The following RMND5B variants were observed in gnomAD, a reference collection of about 807,000 sequenced individuals.
The protein encoded by RMND5B is required for meiotic nuclear division 5 homolog B, also known as E3 ubiquitin-protein transferase RMND5B.
In RMND5B, 42 loss-of-function variants were observed where a neutral mutation model predicts 50.4. The ratio of observed to expected loss-of-function variants is 0.83; its 90% CI spans 0.65 to 1.08. The LOEUF is 1.08. Ranked by LOEUF, RMND5B falls within the 50% of genes least tolerant of loss-of-function variation. The pLI is 0.00. For missense variants in RMND5B, 463 were observed against 508.5 expected (o/e 0.91, Z 0.86); for synonymous variants, 220 against 210.0 (o/e 1.05, Z -0.41).
chr5:178,131,214 C>G (rs1283003835), intron 1 of RMND5B, 23 bp from the exon 2 acceptor site: 1 of 152,174 alleles, frequency 6.6e-6, no homozygotes, highest in Non-Finnish European at 1.5e-5. Flanking sequence ...AACAATCTGC[C>G]CTTGGGCTTG....
intron 7 of RMND5B, 136 bp from the exon 8 acceptor site, chr5:178,145,952 TCAAATTTGCCTGAGGGCATTTTCATC>T: frequency 1.6e-6 from 1 of 634,604 alleles, no homozygotes; most frequent in Non-Finnish European, 2.6e-6. Context: ...GATTTTACAG[TCAAATTTGCCTGAGGGCATTTTCATC>T]CCTGCTCAGT....
intron 8 of RMND5B, 93 bp from the exon 9 acceptor site, chr5:178,147,438 CCT>C (rs1397242926): frequency 2.3e-6 from 2 of 882,920 alleles, no homozygotes; most frequent in African/African-American, 3.4e-5. Context: ...ATTTTAGAGC[CCT>C]GTCTCAAGGT....
At chr5:178,143,028 G>A (rs2113422166) in intron 5 of RMND5B, 36 bp downstream of exon 5, 1 of 1,588,058 alleles carries the variant, frequency 6.3e-7, no homozygotes, top group Non-Finnish European at 8.6e-7. Context: ...CAACCTGCCT[G>A]CTCTGCCTTT....
In RMND5B at chr5:178,148,135, C is replaced by A; in HGVS notation, c.*103C>A. On this transcript the variant is annotated 3_prime_UTR_variant, in exon 11 of 11. Coordinates refer to ENST00000313386, the MANE Select transcript of RMND5B (RefSeq NM_022762.5). ...CAGTGGACTGTGGTTGGTTTCAGAG[C>A]GCCTGGCTGAGGAGTTCCACTGAGG... The A allele has an allele frequency of 8.4e-7, 1 of 1,193,880 alleles. No individual in the cohort carries two copies. The highest frequency in any genetic ancestry group is 1.3e-5 in the South Asian group (1 of 79,232). 74.0% of individuals were successfully genotyped at this position (1,193,880 alleles called of 1,614,324 possible).
chr5:178,134,650 T>C (rs1758517789), intron 2 of RMND5B, among the ~76,000 whole-genome samples: 1 of 152,100 alleles, frequency 6.6e-6, no homozygotes, highest in Admixed American at 6.5e-5. Context: ...AACAGTTCTG[T>C]TTTCTCAGTT....
At chr5:178,144,599 G>A (rs1202958764) in intron 7 of RMND5B, among the ~76,000 whole-genome samples, 1 of 151,928 alleles carries the variant, frequency 6.6e-6, no homozygotes, top group Non-Finnish European at 1.5e-5. Context: ...GCTGGGCGTT[G>A]TGGCGGGCGT....
chr5:178,135,237 C>A, intron 2 of RMND5B: 2 of 235,998 alleles, frequency 8.5e-6, no homozygotes, highest in Non-Finnish European at 1.9e-5. Flanking sequence ...CCTTGACCTC[C>A]CGGGCTCAAG....
chr5:178,144,964 C>T (rs1463725137), intron 7 of RMND5B, among the ~76,000 whole-genome samples: 1 of 152,172 alleles, frequency 6.6e-6, no homozygotes, highest in South Asian at 2.1e-4. Context: ...AAGTAGTAAC[C>T]TGTACTAACT....
At chr5:178,143,572 G>C (rs986520708) in intron 5 of RMND5B, 55 bp from the exon 6 acceptor site, 1 of 1,349,662 alleles carries the variant, frequency 7.4e-7, no homozygotes, top group Non-Finnish European at 1.1e-6. Context: ...GCATAGCAGA[G>C]AACTTTGGAA....
intron 2 of RMND5B, among the ~76,000 whole-genome samples, chr5:178,132,975 C>T (rs1010535149): frequency 6.6e-6 from 1 of 151,824 alleles, no homozygotes. Context: ...AGCAATTCTC[C>T]TGCCTCAGCC....
rs1184444572 is a variant in RMND5B, at chr5:178,148,741, G to C, written c.*709G>C. On this transcript the variant is annotated 3_prime_UTR_variant, in exon 11 of 11. Transcript: ENST00000313386. The stretch of plus-strand genomic sequence containing the variant: ...CTGACTGCGGGGAGCTTAGATGTCA[G>C]ACCCCGGGCAAGGTGCTTTTACATA... 6.5e-6 allele frequency: 1 copy of C among 152,946 alleles called. No homozygotes were observed. The highest frequency in any genetic ancestry group is 1.9e-4 in the East Asian group (1 of 5,200). 9.5% of individuals were successfully genotyped at this position (152,946 alleles called of 1,614,324 possible).
At chr5:178,132,760 A>C (rs1581106162) in intron 2 of RMND5B, among the ~76,000 whole-genome samples, 1 of 117,384 alleles carries the variant, frequency 8.5e-6, no homozygotes, top group African/African-American at 3.3e-5. Flanking sequence ...TTTTTAAGCA[A>C]CCCTATTAAC....
In RMND5B at chr5:178,138,870, A is replaced by G. The variant is rs777267746; in HGVS notation, c.139+612A>G. On this transcript the variant is annotated intron_variant, in intron 3 of 10. Transcript: ENST00000313386. The surrounding 1 kb of genome is among the most constrained non-coding windows in gnomAD (Gnocchi z 5.1). The stretch of plus-strand genomic sequence containing the variant: ...CCTTCAGTGTGTATGTCCTAAAATC[A>G]AGGGCATTCTCTTACATAAAAACAG... Among the ~76,000 whole-genome samples, 9 of 152,204 alleles carry G rather than the reference A, an allele frequency of 5.9e-5. No individual in the cohort carries two copies. The highest frequency in any genetic ancestry group is 1.2e-4 in the Non-Finnish European group (8 of 68,038).
In RMND5B at chr5:178,144,023, C is replaced by T. The variant is rs778269228; in HGVS notation, c.609C>T (p.Arg203=). 2.5e-5 allele frequency: 41 copies of T among 1,614,152 alleles called. 1 individual carries two copies. The highest frequency in any genetic ancestry group is 3.3e-5 in the Non-Finnish European group (39 of 1,180,060). The part of the protein sequence containing the change: ...EFKLHRLHFI[R]LLAGGPAKQL... ...AGCTGCACCGACTGCACTTCATCCG[C>T]CTCTTGGCAGGAGGCCCCGCGAAGC... is the stretch of plus-strand genomic sequence containing the variant. The change falls in exon 7 of 11, where the codon CGC becomes CGT. Residue 203 remains arginine, a synonymous_variant. Transcript: ENST00000313386.
Position 178,150,024 on chromosome 5 carries a change from C to T in RMND5B, c.*1992C>T. ...CTCAATCAGACTTTGAAGGCATGGTCCAGCCACACAGGGCCTACATTCCCA... is the reference window on the plus strand; with the variant it reads ...CTCAATCAGACTTTGAAGGCATGGTTCAGCCACACAGGGCCTACATTCCCA... On this transcript the variant is annotated 3_prime_UTR_variant, in exon 11 of 11. Coordinates refer to ENST00000313386, the MANE Select transcript of RMND5B (RefSeq NM_022762.5). 1.7e-6 allele frequency: 1 copy of T among 583,242 alleles called. No individual in the cohort carries two copies. Among genetic ancestry groups the T allele is most frequent in the Non-Finnish European group, 3.0e-6 (1 of 336,360 alleles). The allele number at this position is 583,242 out of a possible 1,614,324, so 36.1% of individuals were successfully genotyped here.
At chr5:178,144,658 G>C (rs1303854019) in intron 7 of RMND5B, among the ~76,000 whole-genome samples, 1 of 148,950 alleles carries the variant, frequency 6.7e-6, no homozygotes, top group African/African-American at 2.5e-5. Context: ...ATGAACCCGG[G>C]AGGCGGAGCT....
Position 178,138,619 on chromosome 5 carries a change from C to G in RMND5B, c.139+361C>G, listed in dbSNP as rs1031457744. ...GCTCAAGTGATCCTCCTGCCTCAGC[C>G]TCCCAAAGTGCTGGAATTATATGCG... On this transcript the variant is annotated intron_variant, in intron 3 of 10. Coordinates refer to ENST00000313386, the MANE Select transcript of RMND5B (RefSeq NM_022762.5). This position sits in a 1 kb window ranked among gnomAD's most constrained non-coding sequence, Gnocchi z 5.1. Among the ~76,000 whole-genome samples the G allele has an allele frequency of 6.6e-6, 1 of 151,828 alleles. No homozygotes were observed. The highest frequency in any genetic ancestry group is 1.5e-5 in the Non-Finnish European group (1 of 68,010).
rs1448696289 is a variant in RMND5B, at chr5:178,150,156, C to G, written c.*2124C>G. The stretch of plus-strand genomic sequence containing the variant: ...CCCCTGTTACGTAAGATAAGGACAG[C>G]TACAGGTCCCTCTGAGCCTAAACCC... On this transcript the variant is annotated 3_prime_UTR_variant, in exon 11 of 11. Coordinates refer to ENST00000313386, the MANE Select transcript of RMND5B (RefSeq NM_022762.5). The G allele has an allele frequency of 3.5e-6, 1 of 282,264 alleles. No homozygotes were observed. The highest frequency in any genetic ancestry group is 6.8e-6 in the Non-Finnish European group (1 of 146,564). The allele number at this position is 282,264 out of a possible 1,614,324, so 17.5% of individuals were successfully genotyped here. A position where few individuals can be genotyped will look rare whatever the true frequency, so the allele number is the denominator to read the frequency against.
intron 3 of RMND5B, 57 bp from the exon 4 acceptor site, chr5:178,142,526 G>GC: frequency 1.3e-6 from 2 of 1,561,574 alleles, no homozygotes; most frequent in Non-Finnish European, 1.7e-6. Context: ...AAGGTCTGCT[G>GC]CCAAGGCAGG....
Sources: allele counts gnomAD v4.1 joint callset (sites outside exome capture counted in the v4.1 genomes callset), GRCh38; gene constraint gnomAD v4.1.1; non-coding constraint Gnocchi (gnomAD v3.1); transcripts MANE v1.5; gene names NCBI Gene and HGNC (gene_info 2026-07-23, HGNC 2026-07-21).